Variants in LRP5 observed in about 807,000 individuals in gnomAD.
The protein encoded by LRP5 is LDL receptor related protein 5, also known as low-density lipoprotein receptor-related protein 5.
In LRP5, 62 loss-of-function variants were observed where a neutral mutation model predicts 154.1. The observed-to-expected ratio is 0.40, with a 90% CI of 0.33 to 0.50. The LOEUF (loss-of-function observed/expected upper bound fraction) is 0.50, where lower values mean the gene tolerates loss of function less well. Ranked by LOEUF, LRP5 falls within the 20% of genes least tolerant of loss-of-function variation. The probability of loss-of-function intolerance (pLI) is 0.55; values close to 1 mark genes in which losing one functional copy is unlikely to be tolerated. For synonymous variants in LRP5, 966 were observed against 1,011.5 expected, an observed-to-expected ratio of 0.96 and a Z score of 0.85; for missense variants, 1,915 against 2,336.7, an observed-to-expected ratio of 0.82 and a Z score of 3.72.
chr11:68,341,402 C>A (rs143712651), intron 1 of LRP5, among the ~76,000 whole-genome samples: 1 of 152,184 alleles, frequency 6.6e-6, no homozygotes, highest in African/African-American at 2.4e-5. Flanking sequence ...TGTCTGCCAC[C>A]CTGTGCATCC....
intron 1 of LRP5, among the ~76,000 whole-genome samples, chr11:68,343,537 G>A (rs995347680): frequency 6.6e-6 from 1 of 152,186 alleles, no homozygotes; most frequent in Non-Finnish European, 1.5e-5. Context: ...ATGGGGCACA[G>A]TTGGCCTCAT....
At chr11:68,424,952 A>G (rs779036669) in intron 14 of LRP5, 150 bp from the exon 15 acceptor site, 4 of 642,226 alleles carry the variant, frequency 6.2e-6, no homozygotes, top group Non-Finnish European at 1.1e-5. Context: ...TTTGGAGAGC[A>G]TTGTTCAACT....
chr11:68,326,912 G>C (rs1372457835), intron 1 of LRP5, among the ~76,000 whole-genome samples: 1 of 152,222 alleles, frequency 6.6e-6, no homozygotes, highest in African/African-American at 2.4e-5. Context: ...TGGCTTCAGC[G>C]CTCTGTACCT....
chr11:68,302,271 A>C, the LRP5 span, among the ~76,000 whole-genome samples: 1 of 148,626 alleles, frequency 6.7e-6, no homozygotes, highest in Non-Finnish European at 1.5e-5. Flanking sequence ...ACTTGAACCC[A>C]GAAGGCAGAG....
intron 2 of LRP5, among the ~76,000 whole-genome samples, chr11:68,349,253 G>A (rs1056329304): frequency 3.5e-4 from 53 of 151,984 alleles, no homozygotes; most frequent in African/African-American, 1.2e-3. Flanking sequence ...GGCTGGTCTC[G>A]AACTCCTGAC....
At chr11:68,312,905 G>A in intron 1 of LRP5, 100 bp downstream of exon 1, 1 of 634,468 alleles carries the variant, frequency 1.6e-6, no homozygotes, top group African/African-American at 2.0e-5. Flanking sequence ...TCTCGGAAGC[G>A]ACTTGGCGAG....
rs551615744 is a variant in LRP5 at position 68,411,752 on chromosome 11, G to C, written c.2503+132G>C. 4.8e-5 allele frequency: 45 copies of C among 940,570 alleles called. 1 individual carries two copies. The South Asian group carries it at 7.1e-4, about 15-fold the overall frequency. The allele number at this position is 940,570 out of a possible 1,614,324, so 58.3% of individuals were successfully genotyped here. ...TGGCAGGAGCTGTGGCCACACCCACGACTGCCCAGCAGCCTCACCCTCTGC... is the reference window on the plus strand; with the variant it reads ...TGGCAGGAGCTGTGGCCACACCCACCACTGCCCAGCAGCCTCACCCTCTGC... On this transcript the variant is annotated intron_variant, in intron 11 of 22. Transcript: ENST00000294304.
chr11:68,403,836 T>A, intron 8 of LRP5, 137 bp downstream of exon 8: 3 of 1,018,460 alleles, frequency 2.9e-6, no homozygotes, highest in Non-Finnish European at 4.4e-6. Flanking sequence ...AAGGTGACAG[T>A]ATCTGGCCAA....
At chr11:68,334,442 A>C (rs1273747501) in intron 1 of LRP5, among the ~76,000 whole-genome samples, 3 of 152,226 alleles carry the variant, frequency 2.0e-5, no homozygotes. Flanking sequence ...GGATAGTAAC[A>C]CAAGCCAGGC....
At chr11:68,340,399 G>T (rs1310083576) in intron 1 of LRP5, among the ~76,000 whole-genome samples, 1 of 152,212 alleles carries the variant, frequency 6.6e-6, no homozygotes, top group Non-Finnish European at 1.5e-5. Flanking sequence ...TGGATGGTGT[G>T]TGCTTTGTGT....
At chr11:68,397,556 C>T (rs763134185) in intron 7 of LRP5, among the ~76,000 whole-genome samples, 7 of 152,178 alleles carry the variant, frequency 4.6e-5, no homozygotes, top group East Asian at 3.9e-4. Flanking sequence ...TTCCAAATGG[C>T]GACACCTGGT....
chr11:68,440,034 C>A, intron 21 of LRP5, 118 bp downstream of exon 21: 1 of 861,014 alleles, frequency 1.2e-6, no homozygotes, highest in Non-Finnish European at 1.7e-6. Flanking sequence ...GCCTCTGAGG[C>A]ATGCTTGCTT....
chr11:68,380,513 G>T (rs563577443), intron 5 of LRP5, among the ~76,000 whole-genome samples: 1 of 152,224 alleles, frequency 6.6e-6, no homozygotes, highest in African/African-American at 2.4e-5. Context: ...CCCGTCCGAC[G>T]ATAACCACTG....
At chr11:68,399,945 T>G (rs2098651712) in intron 7 of LRP5, among the ~76,000 whole-genome samples, 1 of 152,206 alleles carries the variant, frequency 6.6e-6, no homozygotes, top group Non-Finnish European at 1.5e-5. Context: ...CCGGGTGCCC[T>G]GGGATTCTGC....
chr11:68,331,255 T>A (rs2098602586), intron 1 of LRP5, among the ~76,000 whole-genome samples: 1 of 152,260 alleles, frequency 6.6e-6, no homozygotes, highest in Non-Finnish European at 1.5e-5. Flanking sequence ...CACTGTTCTG[T>A]CACCTTGCTT....
intron 14 of LRP5, among the ~76,000 whole-genome samples, chr11:68,424,560 G>A (rs1401023530): frequency 6.6e-6 from 1 of 152,238 alleles, no homozygotes; most frequent in African/African-American, 2.4e-5. Context: ...CAGCTGTGGG[G>A]GGCCTGCACC....
At chr11:68,306,812 G>A in the LRP5 span, among the ~76,000 whole-genome samples, 1 of 152,226 alleles carries the variant, frequency 6.6e-6, no homozygotes, top group African/African-American at 2.4e-5. Flanking sequence ...CAAGTTATGT[G>A]GCAAGCAAAA....
intron 5 of LRP5, among the ~76,000 whole-genome samples, chr11:68,384,183 T>C (rs994279681): frequency 1.3e-5 from 2 of 152,194 alleles, no homozygotes; most frequent in African/African-American, 4.8e-5. Flanking sequence ...GGGGCTCCTG[T>C]CTTTCCTTGA....
In LRP5 at chr11:68,392,898, G is replaced by A. The variant is rs114120547; in HGVS notation, c.1584+2846G>A. Among the ~76,000 whole-genome samples the A allele has an allele frequency of 9.7e-3, 1,473 of 152,234 alleles. 24 individuals carry two copies. The highest frequency in any genetic ancestry group is 0.034 in the African/African-American group (1,402 of 41,532). The stretch of plus-strand genomic sequence containing the variant: ...TCCTAACATTCTGGGAGGCCAAGGC[G>A]GGACGATCACTTGAGGCAGGAGTTT... On this transcript the variant is annotated intron_variant, in intron 7 of 22. Coordinates refer to ENST00000294304, the MANE Select transcript of LRP5 (RefSeq NM_002335.4).
Sources: allele counts gnomAD v4.1 joint callset (sites outside exome capture counted in the v4.1 genomes callset), GRCh38; gene constraint gnomAD v4.1.1; transcripts MANE v1.5; gene names NCBI Gene and HGNC (gene_info 2026-07-23, HGNC 2026-07-21).